Variants in CFTR observed in about 807,000 individuals in gnomAD.
The protein encoded by CFTR is CF transmembrane conductance regulator.
In CFTR, 181 loss-of-function variants were observed where a neutral mutation model predicts 171.6. That is an observed-to-expected ratio of 1.05 (90% CI 0.93 to 1.19). The LOEUF is 1.19. Ranked by LOEUF, CFTR falls within the 50% of genes most tolerant of loss-of-function variation. The pLI, the probability that CFTR is intolerant of heterozygous loss-of-function variation, is 0.00. For missense variants in CFTR, 1,968 were observed against 1,734.7 expected (o/e 1.13, Z -2.39); for synonymous variants, 583 against 608.0 (o/e 0.96, Z 0.60).
intron 21 of CFTR, 58 bp downstream of exon 21, chr7:117,614,771 T>G (rs1256388641): frequency 9.4e-7 from 1 of 1,067,466 alleles, no homozygotes; most frequent in East Asian, 2.4e-5. Context: ...TAACAAAGTA[T>G]GAGTAATAGC....
intron 10 of CFTR, among the ~76,000 whole-genome samples, chr7:117,549,186 T>TA (rs1363551297): frequency 2.0e-5 from 3 of 152,338 alleles, no homozygotes; most frequent in Middle Eastern, 6.8e-3. Context: ...AATCATGACT[T>TA]ACATTTTGCC....
At chr7:117,597,115 C>G (rs1459306189) in intron 15 of CFTR, among the ~76,000 whole-genome samples, 4 of 152,174 alleles carry the variant, frequency 2.6e-5, no homozygotes, top group African/African-American at 7.2e-5. Context: ...AAGCTTTGTT[C>G]TTTTGTTCTT....
At chr7:117,515,548 A>T (rs1408900596) in intron 3 of CFTR, among the ~76,000 whole-genome samples, 2 of 152,208 alleles carry the variant, frequency 1.3e-5, no homozygotes, top group Non-Finnish European at 2.9e-5. Flanking sequence ...TGTTTTGGTT[A>T]CCGTAGCCTT....
At position 117,652,876 on chromosome 7, in the gene CFTR, A is replaced by C. The variant is rs397508636; in HGVS notation, c.3908A>C (p.Asn1303Thr). The change falls in exon 24 of 27, where the codon AAC (asparagine) becomes ACC (threonine). Residue 1303 changes from asparagine to threonine, a missense_variant. By Grantham distance (65) the Asn-to-Thr change is moderately conservative. Transcript: ENST00000003084. ...ATTTTTTCTGGAACATTTAGAAAAA[A>C]CTTGGATCCCTATGAACAGTGGAGT... ...VFIFSGTFRK[N>T]LDPYEQWSDQ... is the part of the protein sequence containing the mutation. 6.3e-7 allele frequency: 1 copy of C among 1,597,806 alleles called. No homozygotes were observed. The highest frequency in any genetic ancestry group is 1.1e-5 in the South Asian group (1 of 90,190).
chr7:117,569,284 AAG>A (rs1791650787), intron 11 of CFTR, among the ~76,000 whole-genome samples: 1 of 152,154 alleles, frequency 6.6e-6, no homozygotes, highest in Non-Finnish European at 1.5e-5. Flanking sequence ...GAAAACTTTC[AAG>A]AGAGTATTGC....
intron 4 of CFTR, among the ~76,000 whole-genome samples, chr7:117,531,977 C>T (rs1181325263): frequency 6.6e-6 from 1 of 151,916 alleles, no homozygotes; most frequent in Non-Finnish European, 1.5e-5. Context: ...TAGCAAATAA[C>T]CCATAACACT....
chr7:117,503,615 T>A (rs1199629384), intron 1 of CFTR, among the ~76,000 whole-genome samples: 3 of 152,204 alleles, frequency 2.0e-5, no homozygotes, highest in Non-Finnish European at 4.4e-5. Flanking sequence ...TATTTATTGA[T>A]GCCTAGAGGG....
At chr7:117,542,135 T>C in intron 9 of CFTR, 27 bp downstream of exon 9, 1 of 1,046,796 alleles carries the variant, frequency 9.6e-7, no homozygotes, top group Non-Finnish European at 1.5e-6. Flanking sequence ...AATTGTTTGC[T>C]CTAAACACCT....
Position 117,591,825 on chromosome 7 carries a change from G to A in CFTR, c.1767-109G>A, listed in dbSNP as rs555374767. On this transcript the variant is annotated intron_variant, in intron 13 of 26. Transcript: ENST00000003084. Reference sequence around the variant, plus strand: ...GAATCATTTAAAATATAATAAAATTGTATGATAGAGATTATATGCAATAAA... The same window carrying A: ...GAATCATTTAAAATATAATAAAATTATATGATAGAGATTATATGCAATAAA... The A allele has an allele frequency of 3.8e-4, 250 of 654,512 alleles. 1 individual carries two copies. In the African/African-American group the frequency reaches 4.4e-3, roughly 11 times the overall value. The allele number at this position is 654,512 out of a possible 1,614,324, so 40.5% of individuals were successfully genotyped here.
intron 22 of CFTR, among the ~76,000 whole-genome samples, chr7:117,632,942 T>C (rs1206606532): frequency 6.6e-6 from 1 of 152,196 alleles, no homozygotes; most frequent in East Asian, 1.9e-4. Context: ...GAAACTTGAG[T>C]AGTTTCAGTT....
At chr7:117,659,754 A>AT (rs1486291125) in intron 24 of CFTR, among the ~76,000 whole-genome samples, 1 of 152,226 alleles carries the variant, frequency 6.6e-6, no homozygotes, top group African/African-American at 2.4e-5. Flanking sequence ...AAGGTTAGTT[A>AT]TTTTAGAAAA....
intron 10 of CFTR, among the ~76,000 whole-genome samples, chr7:117,553,115 G>T (rs1228221549): frequency 6.6e-6 from 1 of 152,060 alleles, no homozygotes; most frequent in African/African-American, 2.4e-5. Context: ...ACCCAAATCT[G>T]CTGGCACCTT....
intron 1 of CFTR, 63 bp from the exon 2 acceptor site, chr7:117,504,190 A>G: frequency 3.2e-6 from 3 of 934,978 alleles, no homozygotes; most frequent in South Asian, 2.6e-5. Context: ...GAATAGTATC[A>G]GATTCCAAAT....
intron 9 of CFTR, among the ~76,000 whole-genome samples, chr7:117,545,139 A>T (rs1799118389): frequency 6.6e-6 from 1 of 152,248 alleles, no homozygotes; most frequent in Non-Finnish European, 1.5e-5. Flanking sequence ...GGCATGTCTC[A>T]CATGGAGGCA....
chr7:117,660,924 G>C (rs1488670781), intron 24 of CFTR, among the ~76,000 whole-genome samples: 1 of 151,856 alleles, frequency 6.6e-6, no homozygotes, highest in Non-Finnish European at 1.5e-5. Context: ...TTTGAATCTG[G>C]GGTCTGTCAG....
chr7:117,618,640 C>A (rs1410760861), intron 21 of CFTR, among the ~76,000 whole-genome samples: 1 of 152,178 alleles, frequency 6.6e-6, no homozygotes, highest in Non-Finnish European at 1.5e-5. Flanking sequence ...TATAGAATAT[C>A]TTTCAGTAGG....
At chr7:117,558,609 C>T (rs940834793) in intron 10 of CFTR, among the ~76,000 whole-genome samples, 2 of 150,562 alleles carry the variant, frequency 1.3e-5, no homozygotes, top group African/African-American at 4.9e-5. Context: ...TTTTCTTCCT[C>T]TGCTACCTCC....
chr7:117,578,158 G>A (rs957954703), intron 11 of CFTR, among the ~76,000 whole-genome samples: 2 of 151,646 alleles, frequency 1.3e-5, no homozygotes, highest in African/African-American at 2.4e-5. Context: ...GAACAACACG[G>A]GTTTGAACTA....
At chr7:117,612,023 G>GTATGTA (rs1554392388) in intron 20 of CFTR, among the ~76,000 whole-genome samples, 41 of 53,220 alleles carry the variant, frequency 7.7e-4, no homozygotes, top group African/African-American at 3.7e-3. Context: ...ATATATATAT[G>GTATGTA]TATATATATA....
Sources: allele counts gnomAD v4.1 joint callset (sites outside exome capture counted in the v4.1 genomes callset), GRCh38; gene constraint gnomAD v4.1.1; transcripts MANE v1.5; gene names NCBI Gene and HGNC (gene_info 2026-07-23, HGNC 2026-07-21).